Variants in CDH13 observed in about 807,000 individuals in gnomAD.
CDH13 encodes cadherin 13.
In CDH13, 24 loss-of-function variants were observed where a neutral mutation model predicts 63.8. That is an observed-to-expected ratio of 0.38 (90% CI 0.27 to 0.53). CDH13 has a LOEUF of 0.53. CDH13 is among the 20% of genes least tolerant of loss of function. The pLI is 0.85. For synonymous variants in CDH13, 503 were observed against 355.3 expected, an observed-to-expected ratio of 1.42 and a Z score of -4.67; for missense variants, 1,049 against 903.1, an observed-to-expected ratio of 1.16 and a Z score of -2.07.
chr16:83,101,734 C>T (rs1442989027), intron 3 of CDH13, among the ~76,000 whole-genome samples: 1 of 152,120 alleles, frequency 6.6e-6, no homozygotes, highest in East Asian at 1.9e-4. Context: ...GCAGAGGTTG[C>T]AGTAAGCCGA....
intron 6 of CDH13, among the ~76,000 whole-genome samples, chr16:83,366,960 G>C (rs1321283400): frequency 1.3e-5 from 2 of 151,970 alleles, no homozygotes; most frequent in East Asian, 3.9e-4. Flanking sequence ...GCATATAACA[G>C]CTTATTGCAG....
At chr16:83,510,733 C>G (rs920588960) in intron 7 of CDH13, among the ~76,000 whole-genome samples, 1 of 152,156 alleles carries the variant, frequency 6.6e-6, no homozygotes, top group East Asian at 1.9e-4. Context: ...ACTGTCTAAG[C>G]CAAAGGGGGT....
intron 2 of CDH13, among the ~76,000 whole-genome samples, chr16:82,873,821 A>C (rs2040419734): frequency 6.6e-6 from 1 of 152,176 alleles, no homozygotes; most frequent in Admixed American, 6.5e-5. Context: ...TTTTCAATAT[A>C]GCTTGGCTCC....
intron 4 of CDH13, among the ~76,000 whole-genome samples, chr16:83,182,490 T>G (rs2038376746): frequency 6.6e-6 from 1 of 152,224 alleles, no homozygotes; most frequent in Admixed American, 6.5e-5. Flanking sequence ...TGTGTTCACT[T>G]TATGATCTCC....
chr16:83,410,176 A>G (rs2092105669), intron 6 of CDH13, among the ~76,000 whole-genome samples: 1 of 152,164 alleles, frequency 6.6e-6, no homozygotes, highest in South Asian at 2.1e-4. Flanking sequence ...AAGCACCAAG[A>G]TGCCAAGTTG....
chr16:83,266,656 A>G (rs189674994), intron 5 of CDH13, among the ~76,000 whole-genome samples: 1 of 152,354 alleles, frequency 6.6e-6, no homozygotes, highest in East Asian at 1.9e-4. Context: ...TCTTAAGGCA[A>G]AGAAGTTTAA....
intron 5 of CDH13, among the ~76,000 whole-genome samples, chr16:83,302,006 G>T (rs1363047461): frequency 2.0e-5 from 3 of 151,588 alleles, no homozygotes; most frequent in Admixed American, 6.6e-5. Flanking sequence ...AGTAAAACTT[G>T]CTAGGGTTAA....
intron 1 of CDH13, chr16:82,823,213 T>C (rs1471616087): frequency 6.6e-6 from 1 of 152,226 alleles, no homozygotes; most frequent in Non-Finnish European, 1.5e-5. Flanking sequence ...TCTTGGCAGA[T>C]AATAAGGCCC....
intron 7 of CDH13, among the ~76,000 whole-genome samples, chr16:83,550,203 A>G (rs2075465020): frequency 6.6e-6 from 1 of 152,216 alleles, no homozygotes; most frequent in African/African-American, 2.4e-5. Flanking sequence ...AGCCCCAAGT[A>G]CTTGAGAGGG....
chr16:83,198,729 A>G (rs1177901074), intron 4 of CDH13, among the ~76,000 whole-genome samples: 1 of 152,158 alleles, frequency 6.6e-6, no homozygotes, highest in Non-Finnish European at 1.5e-5. Context: ...TTGTATGGGA[A>G]CAGGCTCAGA....
intron 8 of CDH13, among the ~76,000 whole-genome samples, chr16:83,652,253 G>A (rs1479040304): frequency 6.6e-6 from 1 of 152,240 alleles, no homozygotes; most frequent in African/African-American, 2.4e-5. Context: ...ATTAGAAGCT[G>A]TAAGTCAATT....
intron 1 of CDH13, among the ~76,000 whole-genome samples, chr16:82,663,346 C>A (rs2150929244): frequency 6.6e-6 from 1 of 152,174 alleles, no homozygotes; most frequent in African/African-American, 2.4e-5. Context: ...AGCACCAGGC[C>A]CGGCTAATTT....
intron 7 of CDH13, among the ~76,000 whole-genome samples, chr16:83,601,926 C>T (rs1002936103): frequency 6.6e-6 from 1 of 151,704 alleles, no homozygotes; most frequent in Non-Finnish European, 1.5e-5. Flanking sequence ...TACCCTGTCC[C>T]TACTAAAAGT....
chr16:83,026,722 G>C (rs1253321070), intron 2 of CDH13, among the ~76,000 whole-genome samples: 4 of 152,168 alleles, frequency 2.6e-5, no homozygotes, highest in African/African-American at 9.7e-5. Flanking sequence ...ACAGTCCTTT[G>C]CATAGAGCGT....
At chr16:83,733,235 G>A (rs1478408486) in intron 10 of CDH13, among the ~76,000 whole-genome samples, 5 of 152,194 alleles carry the variant, frequency 3.3e-5, no homozygotes, top group Non-Finnish European at 4.4e-5. Flanking sequence ...CTCCTTCACA[G>A]AACAGCCAGC....
rs1430668249 is a variant in CDH13, at chr16:83,524,531, C to T, written c.960+37876C>T. On this transcript the variant is annotated intron_variant, in intron 7 of 13. Coordinates refer to ENST00000567109, the MANE Select transcript of CDH13 (RefSeq NM_001257.5). ...GCAGTGGCGCGCTCTCGGCTTACTG[C>T]AAGCTCCGCCTCCTGGGTTCACGCC... Among the ~76,000 whole-genome samples, 27 of 132,002 alleles carry T rather than the reference C, an allele frequency of 2.0e-4. No individual in the cohort carries two copies. The Admixed American group carries it at 2.4e-3, about 12-fold the overall frequency. 86.6% of individuals were successfully genotyped at this position (132,002 alleles called of 152,430 possible). A position where few individuals can be genotyped will look rare whatever the true frequency, so the allele number is the denominator to read the frequency against.
At chr16:82,709,142 G>C (rs908277828) in intron 1 of CDH13, among the ~76,000 whole-genome samples, 7 of 152,156 alleles carry the variant, frequency 4.6e-5, no homozygotes, top group African/African-American at 1.7e-4. Flanking sequence ...ATTCTATCCA[G>C]TTTTCCACGA....
At chr16:83,257,421 T>C (rs1043419235) in intron 5 of CDH13, among the ~76,000 whole-genome samples, 2 of 151,942 alleles carry the variant, frequency 1.3e-5, no homozygotes, top group Non-Finnish European at 2.9e-5. Context: ...GGTTTCCTCT[T>C]TCCTCTCCGC....
intron 2 of CDH13, among the ~76,000 whole-genome samples, chr16:82,861,210 G>T (rs768681456): frequency 1.3e-5 from 2 of 152,348 alleles, no homozygotes; most frequent in South Asian, 2.1e-4. Context: ...GTTGTACACA[G>T]TGAGAAAACT....
Sources: allele counts gnomAD v4.1 joint callset (sites outside exome capture counted in the v4.1 genomes callset), GRCh38; gene constraint gnomAD v4.1.1; transcripts MANE v1.5; gene names NCBI Gene and HGNC (gene_info 2026-07-23, HGNC 2026-07-21).